The following SPECC1L variants were observed in gnomAD, a reference collection of about 807,000 sequenced individuals.
SPECC1L encodes the protein cytospin-A.
Under a neutral mutation model 116.8 loss-of-function variants are expected in SPECC1L, and 40 were observed. That is an observed-to-expected ratio of 0.34 (90% CI 0.27 to 0.45). SPECC1L has a LOEUF of 0.45. Ranked by LOEUF, SPECC1L falls within the 20% of genes least tolerant of loss-of-function variation. The pLI, the probability that SPECC1L is intolerant of heterozygous loss-of-function variation, is 1.00. For missense variants in SPECC1L, 1,110 were observed against 1,373.6 expected, an observed-to-expected ratio of 0.81 and a Z score of 3.03; for synonymous variants, 504 against 500.6, an observed-to-expected ratio of 1.01 and a Z score of -0.09.
chr22:24,274,149 T>G (rs1048575740), intron 1 of SPECC1L, among the ~76,000 whole-genome samples: 8 of 152,232 alleles, frequency 5.3e-5, no homozygotes, highest in African/African-American at 1.9e-4. Context: ...ATAGACTAGA[T>G]GCGAGGTAAA....
At chr22:24,390,204 G>C (rs962988286) in intron 14 of SPECC1L, among the ~76,000 whole-genome samples, 4 of 151,454 alleles carry the variant, frequency 2.6e-5, no homozygotes, top group Admixed American at 2.6e-4. Flanking sequence ...CTCTTCCCCT[G>C]ATCCTTCCTT....
chr22:24,317,617 C>T (rs1284948265), intron 4 of SPECC1L, among the ~76,000 whole-genome samples: 13 of 148,148 alleles, frequency 8.8e-5, no homozygotes, highest in African/African-American at 2.8e-4. Context: ...GGGGCTGATC[C>T]CCCCACCTCC....
chr22:24,396,517 C>G (rs186086904), intron 14 of SPECC1L, among the ~76,000 whole-genome samples: 1 of 151,960 alleles, frequency 6.6e-6, no homozygotes, highest in Admixed American at 6.6e-5. Flanking sequence ...AGGCTGGTCT[C>G]GAACTCCTGA....
At chr22:24,294,678 C>T (rs1188341370) in intron 2 of SPECC1L, among the ~76,000 whole-genome samples, 4 of 152,036 alleles carry the variant, frequency 2.6e-5, no homozygotes, top group South Asian at 2.1e-4. Flanking sequence ...CCACTGGGGC[C>T]GGCCTGTCCT....
At position 24,411,375 on chromosome 22, in the gene SPECC1L, G is replaced by T. The variant is rs4822488; in HGVS notation, c.3088-213G>T. Among the ~76,000 whole-genome samples, 25,688 of 151,992 alleles carry T rather than the reference G, an allele frequency of 0.17. 2,683 individuals are homozygous for T. The highest frequency in any genetic ancestry group is 0.24 in the East Asian group (1,213 of 5,154). ...GCCACGTGTTATACCAGGCCCAGGC[G>T]TGACCACGTAGGGGCAGCCATCTAC... On this transcript the variant is annotated intron_variant, in intron 14 of 16. Coordinates refer to ENST00000314328, the MANE Select transcript of SPECC1L (RefSeq NM_015330.6).
At chr22:24,351,442 C>T (rs980190206) in intron 11 of SPECC1L, among the ~76,000 whole-genome samples, 1 of 152,166 alleles carries the variant, frequency 6.6e-6, no homozygotes, top group African/African-American at 2.4e-5. Context: ...ATTCCTGGCT[C>T]TTATTTTATC....
chr22:24,288,410 T>C (rs2049087189), intron 2 of SPECC1L, among the ~76,000 whole-genome samples: 1 of 151,948 alleles, frequency 6.6e-6, no homozygotes, highest in Non-Finnish European at 1.5e-5. Flanking sequence ...GGGTACAAAA[T>C]TGTCCCCTAC....
chr22:24,278,333 C>T (rs1425719004), intron 2 of SPECC1L, among the ~76,000 whole-genome samples: 1 of 152,164 alleles, frequency 6.6e-6, no homozygotes, highest in Non-Finnish European at 1.5e-5. Flanking sequence ...TATACTGTAG[C>T]CTGGGTGTCA....
At chr22:24,360,222 C>G (rs934791791) in intron 11 of SPECC1L, among the ~76,000 whole-genome samples, 5 of 152,224 alleles carry the variant, frequency 3.3e-5, no homozygotes, top group African/African-American at 1.2e-4. Flanking sequence ...AACAGTTTGA[C>G]ATGAACATTT....
chr22:24,277,643 G>A (rs2146326547), intron 2 of SPECC1L, among the ~76,000 whole-genome samples: 1 of 152,180 alleles, frequency 6.6e-6, no homozygotes, highest in East Asian at 1.9e-4. Context: ...GTGACCTTTT[G>A]TTTGGCTTTT....
At chr22:24,404,696 A>C (rs200311025) in intron 14 of SPECC1L, among the ~76,000 whole-genome samples, 51 of 152,146 alleles carry the variant, frequency 3.4e-4, no homozygotes, top group Non-Finnish European at 5.9e-4. Context: ...TTCTGACCCC[A>C]GTCCAGCCAC....
intron 3 of SPECC1L, among the ~76,000 whole-genome samples, chr22:24,312,188 G>T (rs866534927): frequency 6.6e-6 from 1 of 152,112 alleles, no homozygotes; most frequent in Non-Finnish European, 1.5e-5. Flanking sequence ...GCCCAGGCTG[G>T]TGTTGAACTC....
At chr22:24,336,068 A>G (rs554033704) in intron 9 of SPECC1L, among the ~76,000 whole-genome samples, 16 of 152,176 alleles carry the variant, frequency 1.1e-4, no homozygotes, top group African/African-American at 3.9e-4. Context: ...TTAAATACCT[A>G]CTAAAAGAAT....
chr22:24,358,338 G>T (rs977543904), intron 11 of SPECC1L, among the ~76,000 whole-genome samples: 1 of 151,960 alleles, frequency 6.6e-6, no homozygotes, highest in African/African-American at 2.4e-5. Context: ...AAACTCCTGG[G>T]CTCATGCTCC....
chr22:24,315,139 C>G (rs1264880413), intron 4 of SPECC1L, among the ~76,000 whole-genome samples: 1 of 152,230 alleles, frequency 6.6e-6, no homozygotes, highest in Admixed American at 6.5e-5. Context: ...AATTTAGGCT[C>G]TTAGCCCCTC....
At chr22:24,271,623 A>G (rs1478641321) in intron 1 of SPECC1L, among the ~76,000 whole-genome samples, 1 of 152,234 alleles carries the variant, frequency 6.6e-6, no homozygotes, top group Non-Finnish European at 1.5e-5. Context: ...TTAAGTAGTT[A>G]AGTCTAAGAC....
intron 3 of SPECC1L, among the ~76,000 whole-genome samples, chr22:24,305,772 G>A (rs927271301): frequency 1.1e-4 from 17 of 152,122 alleles, no homozygotes; most frequent in African/African-American, 3.4e-4. Flanking sequence ...TCTCAAGGTG[G>A]TTACCAGTTT....
chr22:24,280,717 A>G (rs1042841174), intron 2 of SPECC1L, among the ~76,000 whole-genome samples: 22 of 151,496 alleles, frequency 1.5e-4, no homozygotes, highest in African/African-American at 5.1e-4. Flanking sequence ...AGCTGGGACT[A>G]TAGGCATTTG....
chr22:24,311,975 G>T (rs2146437782), intron 3 of SPECC1L, among the ~76,000 whole-genome samples: 2 of 148,920 alleles, frequency 1.3e-5, no homozygotes, highest in East Asian at 2.0e-4. Flanking sequence ...CTCTTTTTTT[G>T]GGGGGCGGGT....
Sources: allele counts gnomAD v4.1 joint callset (sites outside exome capture counted in the v4.1 genomes callset), GRCh38; gene constraint gnomAD v4.1.1; transcripts MANE v1.5; gene names NCBI Gene and HGNC (gene_info 2026-07-23, HGNC 2026-07-21).